The following SIRT4 variants were observed in gnomAD, a reference collection of about 807,000 sequenced individuals.
The protein encoded by SIRT4 is sirtuin 4.
A neutral mutation model predicts 26.1 loss-of-function variants in SIRT4; 23 were observed. That is an observed-to-expected ratio of 0.88 (90% CI 0.63 to 1.25). The LOEUF (loss-of-function observed/expected upper bound fraction) is 1.25. SIRT4 is among the 50% of genes most tolerant of loss of function. The pLI is 0.00. For missense variants in SIRT4, 361 were observed against 405.4 expected (o/e 0.89, Z 0.94); for synonymous variants, 155 against 158.4 (o/e 0.98, Z 0.16).
Position 120,303,904 on chromosome 12 carries a change from C to G in SIRT4, c.343C>G (p.Gln115Glu), listed in dbSNP as rs766790909. ...GGCGAGAAACTTCGTAGGCTGGCCTCAATTCTCCTCCCACCAGCCTAACCC... is the reference window on the plus strand; with the variant it reads ...GGCGAGAAACTTCGTAGGCTGGCCTGAATTCTCCTCCCACCAGCCTAACCC... ...YWARNFVGWP[Q>E]FSSHQPNPAH... Residue 115 changes from glutamine to glutamate, a missense_variant, in exon 2 of 4, where the codon CAA becomes GAA. Coordinates refer to ENST00000202967, the MANE Select transcript of SIRT4 (RefSeq NM_012240.3). 1 of 1,614,080 alleles carries G rather than the reference C, an allele frequency of 6.2e-7. No individual in the cohort carries two copies. Among genetic ancestry groups the G allele is most frequent in the Admixed American group, 1.7e-5 (1 of 59,982 alleles).
At chr12:120,308,495 G>C (rs1447454805) in intron 2 of SIRT4, among the ~76,000 whole-genome samples, 1 of 151,508 alleles carries the variant, frequency 6.6e-6, no homozygotes, top group Non-Finnish European at 1.5e-5. Flanking sequence ...TATGGGTACA[G>C]GGGGCTTGAG....
At chr12:120,311,263 G>A (rs1336787066) in intron 2 of SIRT4, among the ~76,000 whole-genome samples, 6 of 151,298 alleles carry the variant, frequency 4.0e-5, no homozygotes, top group Admixed American at 4.0e-4. Flanking sequence ...GCTGAGGCAG[G>A]AGAATTGCTT....
chr12:120,296,779 G>C, the SIRT4 span, among the ~76,000 whole-genome samples: 8 of 151,472 alleles, frequency 5.3e-5, no homozygotes, highest in Non-Finnish European at 7.4e-5. Flanking sequence ...CCAAGGGGAG[G>C]GATTACAGGC....
upstream of SIRT4, among the ~76,000 whole-genome samples, chr12:120,301,137 GA>G (rs1322987780): frequency 6.6e-6 from 1 of 152,136 alleles, no homozygotes; most frequent in African/African-American, 2.4e-5. Flanking sequence ...ACGAGGTCAG[GA>G]GATCAAGACC....
In SIRT4 at chr12:120,312,957, C is replaced by T. The variant is rs546670030; in HGVS notation, c.866C>T (p.Pro289Leu). The T allele has an allele frequency of 1.2e-6, 2 of 1,614,136 alleles. No individual in the cohort carries two copies. The highest frequency in any genetic ancestry group is 3.3e-5 in the Admixed American group (2 of 59,994). Residue 289 changes from proline (P) to leucine (L), a missense_variant, in exon 4 of 4, where the codon CCC becomes CTC. Physicochemically the swap from Pro to Leu is moderately conservative, Grantham distance 98. Coordinates refer to ENST00000202967, the MANE Select transcript of SIRT4 (RefSeq NM_012240.3). ...CCGATTGCAATACTGAACATTGGGC[C>T]CACACGGTCGGATGACTTGGCGTGT... The part of the protein sequence containing the change: ...KLPIAILNIG[P>L]TRSDDLACLK...
At chr12:120,311,370 T>C (rs986528568) in intron 2 of SIRT4, among the ~76,000 whole-genome samples, 1 of 141,328 alleles carries the variant, frequency 7.1e-6, no homozygotes, top group Non-Finnish European at 1.6e-5. Context: ...AAATAAAAAA[T>C]AAAATAAAAA....
upstream of SIRT4, among the ~76,000 whole-genome samples, chr12:120,298,943 A>ATAAATAAATAG: frequency 8.1e-6 from 1 of 124,112 alleles, no homozygotes; most frequent in African/African-American, 3.1e-5. Context: ...AAATAAATAA[A>ATAAATAAATAG]TAGCCGGGCG....
chr12:120,312,878 G>A lies in SIRT4; in HGVS notation c.793-6G>A, dbSNP rs201711060. 1.5e-4 allele frequency: 244 copies of A among 1,613,880 alleles called. No individual in the cohort carries two copies. The highest frequency in any genetic ancestry group is 1.8e-4 in the Non-Finnish European group (211 of 1,180,008). The stretch of plus-strand genomic sequence containing the variant: ...ACATTCTTATGTGTGTCTTTTCTCC[G>A]TGCAGGTATACTCTGGTTACAGGTT... On this transcript the variant is annotated splice_polypyrimidine_tract_variant and splice_region_variant and intron_variant, in intron 3 of 3. Coordinates refer to ENST00000202967, the MANE Select transcript of SIRT4 (RefSeq NM_012240.3).
chr12:120,311,879 G>A (rs765349012), intron 2 of SIRT4, among the ~76,000 whole-genome samples: 1 of 151,954 alleles, frequency 6.6e-6, no homozygotes, highest in African/African-American at 2.4e-5. Flanking sequence ...GGAAAGTATA[G>A]AGGGAAAAAC....
At chr12:120,300,832 T>G (rs1170360893), upstream of SIRT4, among the ~76,000 whole-genome samples, 1 of 152,188 alleles carries the variant, frequency 6.6e-6, no homozygotes, top group Admixed American at 6.6e-5. Flanking sequence ...CCAAAGACAC[T>G]TATACATTTA....
upstream of SIRT4, among the ~76,000 whole-genome samples, chr12:120,297,367 TAATCCTAATCCCATGAGG>T (rs1249471921): frequency 1.8e-3 from 212 of 119,420 alleles, no homozygotes; most frequent in Admixed American, 3.2e-3. Context: ...ACTAAAGCCC[TAATCCTAATCCCATGAGG>T]GTATCAAAGG....
intron 2 of SIRT4, among the ~76,000 whole-genome samples, chr12:120,309,517 T>C (rs1259751477): frequency 6.6e-6 from 1 of 150,838 alleles, no homozygotes; most frequent in Middle Eastern, 3.2e-3. Context: ...GTTCAACCGA[T>C]TCTCCTGCCT....
rs184595026 is a variant in SIRT4, at chr12:120,306,100, G to A, written c.497+2042G>A. 8.5e-5 allele frequency among the ~76,000 whole-genome samples: 13 copies of A among 152,182 alleles called. No homozygotes were observed. The East Asian group carries it at 2.5e-3, about 29-fold the overall frequency. On this transcript the variant is annotated intron_variant, in intron 2 of 3. Transcript: ENST00000202967. ...CATCCCAGCAACTCAGGAGGCTGAAGCAGGAGGATTACTTGAGGCCAGGAG... is the reference window on the plus strand; with the variant it reads ...CATCCCAGCAACTCAGGAGGCTGAAACAGGAGGATTACTTGAGGCCAGGAG...
chr12:120,293,081 C>CTGCAAGAA, the SIRT4 span: 1 of 84,330 alleles, frequency 1.2e-5, no homozygotes, highest in Non-Finnish European at 2.7e-5. Flanking sequence ...TGTTGTTCAA[C>CTGCAAGAA]TGCAAGAAAA....
At chr12:120,305,977 A>T (rs1281102722) in intron 2 of SIRT4, among the ~76,000 whole-genome samples, 1 of 149,754 alleles carries the variant, frequency 6.7e-6, no homozygotes, top group Non-Finnish European at 1.5e-5. Flanking sequence ...GCGCCACTGC[A>T]CTCCAGCCTG....
intron 2 of SIRT4, among the ~76,000 whole-genome samples, chr12:120,310,849 C>T (rs1403109741): frequency 6.6e-6 from 1 of 151,416 alleles, no homozygotes; most frequent in Non-Finnish European, 1.5e-5. Flanking sequence ...CATTCTCCTG[C>T]CTCAGCCTCC....
At chr12:120,310,714 GC>G (rs1872926115) in intron 2 of SIRT4, among the ~76,000 whole-genome samples, 2 of 151,314 alleles carry the variant, frequency 1.3e-5, no homozygotes, top group Admixed American at 1.3e-4. Flanking sequence ...CCAGGTAAGA[GC>G]CACCACGCCT....
At chr12:120,300,119 G>C (rs76607124), upstream of SIRT4, among the ~76,000 whole-genome samples, 1 of 151,720 alleles carries the variant, frequency 6.6e-6, no homozygotes, top group Non-Finnish European at 1.5e-5. Context: ...ACCGTGTCTC[G>C]ACAAAAATAA....
At chr12:120,307,140 A>C (rs555435728) in intron 2 of SIRT4, among the ~76,000 whole-genome samples, 1 of 152,332 alleles carries the variant, frequency 6.6e-6, no homozygotes, top group South Asian at 2.1e-4. Context: ...TATGGTGTAC[A>C]TACGTTACAC....
Sources: gnomAD v4.1 joint callset for allele counts (sites outside exome capture counted in the v4.1 genomes callset) on GRCh38, gnomAD v4.1.1 for gene constraint, MANE v1.5 for transcripts, NCBI Gene and HGNC (gene_info 2026-07-23, HGNC 2026-07-21) for gene names.